Variants in KIF21A observed in about 807,000 individuals in gnomAD.
KIF21A encodes kinesin-like protein KIF21A.
In KIF21A, 114 loss-of-function variants were observed where a neutral mutation model predicts 202.9. The observed-to-expected ratio is 0.56, with a 90% confidence interval of 0.48 to 0.66. The LOEUF (loss-of-function observed/expected upper bound fraction) is 0.66. Among genes scored for constraint, KIF21A ranks in the 30% least tolerant of loss-of-function variants. The probability of loss-of-function intolerance (pLI) is 0.00; values close to 1 mark genes in which losing one functional copy is unlikely to be tolerated. For synonymous variants in KIF21A, 667 were observed against 670.8 expected, an observed-to-expected ratio of 0.99 and a Z score of 0.09; for missense variants, 1,677 against 1,994.9, an observed-to-expected ratio of 0.84 and a Z score of 3.04.
intron 1 of KIF21A, among the ~76,000 whole-genome samples, chr12:39,420,750 G>A (rs112089426): frequency 0.014 from 2,071 of 149,746 alleles, 20 homozygotes; most frequent in Non-Finnish European, 0.018. Context: ...CTAAAAGTAA[G>A]TTGAAAGTAA....
chr12:39,343,079 T>C (rs563413506), intron 12 of KIF21A, among the ~76,000 whole-genome samples: 18 of 152,310 alleles, frequency 1.2e-4, no homozygotes, highest in African/African-American at 4.3e-4. Context: ...AACTATTTCC[T>C]TTTGTGCTAT....
intron 1 of KIF21A, among the ~76,000 whole-genome samples, chr12:39,428,230 C>T (rs981483323): frequency 1.1e-4 from 16 of 152,326 alleles, no homozygotes; most frequent in South Asian, 6.2e-4. Flanking sequence ...GTCCATCTGA[C>T]AGTATTTCAT....
chr12:39,351,762 A>AT lies in KIF21A; in HGVS notation c.1673+14dup. The AT allele has an allele frequency of 6.8e-7, 1 of 1,460,718 alleles. No homozygotes were observed. 90.5% of individuals were successfully genotyped at this position (1,460,718 alleles called of 1,614,324 possible). On this transcript the variant is annotated intron_variant, in intron 11 of 37. Coordinates refer to ENST00000361418, the MANE Select transcript of KIF21A (RefSeq NM_001173464.2). ...GGAAATAGAGATTCATTTAGTGGTG[A>AT]TTTTATAATCCCACCTTTTTTTCTT...
At chr12:39,402,358 G>A (rs566157669) in intron 1 of KIF21A, among the ~76,000 whole-genome samples, 41 of 152,212 alleles carry the variant, frequency 2.7e-4, no homozygotes, top group African/African-American at 9.6e-4. Flanking sequence ...GTTAGGTTTA[G>A]AAACATTTTT....
chr12:39,369,808 C>T lies in KIF21A; in HGVS notation c.371G>A (p.Ser124Asn). 2 of 1,612,604 alleles carry T rather than the reference C, an allele frequency of 1.2e-6. No individual in the cohort carries two copies. Among genetic ancestry groups the T allele is most frequent in the South Asian group, 1.1e-5 (1 of 91,006 alleles). ...ISRAVKHLFK[S>N]IEEKKHIAIK... ...TGCTATGTGTTTTTTTTCTTCAATA[C>T]TCTTAAAAAGGTGTTTAACAGCTCG... Residue 124 changes from serine to asparagine, a missense_variant, in exon 3 of 38, where the codon AGT becomes AAT. Ser to Asn is a conservative substitution (Grantham distance 46, BLOSUM62 1). Around this residue, in one of 3 missense-constraint regions of KIF21A, gnomAD observed 966 missense variants for 1,180.9 expected, o/e 0.82. Transcript: ENST00000361418.
chr12:39,295,695 T>TG (rs1942250153), intron 37 of KIF21A, among the ~76,000 whole-genome samples: 2 of 122,082 alleles, frequency 1.6e-5, no homozygotes, highest in East Asian at 2.2e-4. Context: ...GGGATATGTT[T>TG]TTTTTTTTTT....
chr12:39,429,757 G>A (rs1955036137), intron 1 of KIF21A, among the ~76,000 whole-genome samples: 1 of 152,002 alleles, frequency 6.6e-6, no homozygotes, highest in Non-Finnish European at 1.5e-5. Context: ...GATTTTGAAA[G>A]AAATTATGGT....
chr12:39,378,097 C>A (rs1420680953), intron 1 of KIF21A, among the ~76,000 whole-genome samples: 2 of 152,156 alleles, frequency 1.3e-5, no homozygotes, highest in East Asian at 1.9e-4. Context: ...GTTTACAACA[C>A]CCCTTGGAAA....
intron 34 of KIF21A, among the ~76,000 whole-genome samples, chr12:39,305,878 T>C (rs573119408): frequency 2.0e-5 from 3 of 152,302 alleles, no homozygotes; most frequent in Admixed American, 6.5e-5. Flanking sequence ...CACACACATT[T>C]TCACAAATAC....
intron 31 of KIF21A, chr12:39,312,285 T>C (rs1449674082): frequency 2.6e-5 from 4 of 151,820 alleles, no homozygotes; most frequent in Non-Finnish European, 5.9e-5. Flanking sequence ...AAGAGAAACA[T>C]TGGATATTCT....
intron 1 of KIF21A, among the ~76,000 whole-genome samples, chr12:39,383,348 A>G (rs944306762): frequency 2.0e-5 from 3 of 152,236 alleles, no homozygotes; most frequent in African/African-American, 7.2e-5. Context: ...TGTCTAAGCC[A>G]CTAGCTTTCC....
At chr12:39,311,839 C>A (rs537348701) in intron 31 of KIF21A, 2 of 342,706 alleles carry the variant, frequency 5.8e-6, no homozygotes, top group Non-Finnish European at 5.6e-6. Flanking sequence ...CAAGGTTTAA[C>A]GAAGCCACAA....
intron 33 of KIF21A, 38 bp downstream of exon 33, chr12:39,309,548 T>A: frequency 7.2e-7 from 1 of 1,397,668 alleles, no homozygotes; most frequent in Non-Finnish European, 9.9e-7. Flanking sequence ...AAAGAAGAGC[T>A]ATTCCTCCTT....
rs752169313 is a variant in KIF21A, at chr12:39,302,955, T to A, written c.4731+10A>T. ...TGCCCACTCTATACCATGAAAAGGT[T>A]CTGCATTACCTGAAGAAGGTCTTTT... On this transcript the variant is annotated intron_variant, in intron 36 of 37. Transcript: ENST00000361418. 5 of 1,612,390 alleles carry A rather than the reference T, an allele frequency of 3.1e-6. No homozygotes were observed. The South Asian group carries it at 5.5e-5, about 18-fold the overall frequency.
chr12:39,416,605 A>ATATATATACATACATATATATGTG (rs1953620749), intron 1 of KIF21A, among the ~76,000 whole-genome samples: 1 of 117,438 alleles, frequency 8.5e-6, no homozygotes, highest in South Asian at 3.7e-4. Context: ...AAATATACAT[A>ATATATATACATACATATATATGTG]TATATATATA....
At chr12:39,340,874 G>C in intron 15 of KIF21A, 32 bp downstream of exon 15, 1 of 1,484,388 alleles carries the variant, frequency 6.7e-7, no homozygotes, top group Non-Finnish European at 9.4e-7. Flanking sequence ...GATTTAGCTT[G>C]AACTTTCATT....
intron 37 of KIF21A, among the ~76,000 whole-genome samples, chr12:39,299,645 C>T (rs536580205): frequency 3.4e-4 from 51 of 152,144 alleles, no homozygotes; most frequent in Admixed American, 2.0e-3. Flanking sequence ...TAAAGACACA[C>T]GCACACAAAT....
intron 1 of KIF21A, among the ~76,000 whole-genome samples, chr12:39,389,179 TACACACACACACAC>T (rs10632410): frequency 1.4e-5 from 2 of 142,086 alleles, no homozygotes; most frequent in Non-Finnish European, 3.1e-5. Context: ...TAAATACACA[TACACACACACACAC>T]ACACACACAC....
At chr12:39,421,385 T>C (rs1271192990) in intron 1 of KIF21A, among the ~76,000 whole-genome samples, 1 of 152,192 alleles carries the variant, frequency 6.6e-6, no homozygotes, top group Non-Finnish European at 1.5e-5. Flanking sequence ...TAATATAAGA[T>C]TATATTAAAA....
Sources: gnomAD v4.1 joint callset for allele counts (sites outside exome capture counted in the v4.1 genomes callset) on GRCh38, gnomAD v4.1.1 for gene constraint, gnomAD v4.1.1 regional missense constraint, MANE v1.5 for transcripts, NCBI Gene and HGNC (gene_info 2026-07-23, HGNC 2026-07-21) for gene names.